The following NFKB1 variants were observed in gnomAD, a reference collection of about 807,000 sequenced individuals.
NFKB1 encodes the protein nuclear factor kappa B subunit 1, also known as nuclear factor NF-kappa-B p105 subunit.
Under a neutral mutation model 105.1 loss-of-function variants are expected in NFKB1, and 9 were observed. That is an observed-to-expected ratio of 0.09 (90% confidence interval 0.05 to 0.15). The LOEUF is 0.15. Ranked by LOEUF, NFKB1 falls within the 10% of genes least tolerant of loss-of-function variation. The probability of loss-of-function intolerance (pLI) is 1.00; values close to 1 mark genes in which losing one functional copy is unlikely to be tolerated. For missense variants in NFKB1, 830 were observed against 1,203.7 expected (o/e 0.69, Z 4.59); for synonymous variants, 440 against 442.2 (o/e 1.00, Z 0.06).
chr4:102,587,525 G>A (rs748541988), intron 11 of NFKB1, among the ~76,000 whole-genome samples: 7 of 151,520 alleles, frequency 4.6e-5, no homozygotes, highest in Non-Finnish European at 1.0e-4. Context: ...TTATAGTGGG[G>A]GTATATTCAG....
intron 20 of NFKB1, 106 bp downstream of exon 20, chr4:102,610,805 C>G: frequency 1.5e-6 from 2 of 1,339,488 alleles, no homozygotes; most frequent in Non-Finnish European, 2.0e-6. Flanking sequence ...AAGAACATGC[C>G]TTTTATTTTT....
chr4:102,578,352 G>C lies in NFKB1; in HGVS notation c.572-529G>C, dbSNP rs190223114. On this transcript the variant is annotated intron_variant, in intron 7 of 23. Coordinates refer to ENST00000226574, the MANE Select transcript of NFKB1 (RefSeq NM_003998.4). ...AGCTTAATTATGACTATATCCATCA[G>C]CGTGAAAACTCCAGCAGGAGGGAAG... 8.9e-4 allele frequency: 137 copies of C among 154,472 alleles called. 1 individual carries two copies. The Middle Eastern group carries it at 0.013, about 15-fold the overall frequency. 9.6% of individuals were successfully genotyped at this position (154,472 alleles called of 1,614,324 possible). A position where few individuals can be genotyped will look rare whatever the true frequency, so the allele number is the denominator to read the frequency against.
intron 16 of NFKB1, 87 bp from the exon 17 acceptor site, chr4:102,606,409 A>G: frequency 8.1e-7 from 1 of 1,238,526 alleles, no homozygotes; most frequent in South Asian, 1.2e-5. Context: ...GTATGGCCCC[A>G]CCTATTGCAG....
chr4:102,607,071 C>G (rs1416016785), intron 17 of NFKB1, 79 bp from the exon 18 acceptor site: 2 of 1,441,036 alleles, frequency 1.4e-6, no homozygotes, highest in Non-Finnish European at 2.0e-6. Flanking sequence ...TCAGTTTTTG[C>G]CATTTCCTTC....
At chr4:102,611,963 G>A in intron 20 of NFKB1, 81 bp from the exon 21 acceptor site, 5 of 1,115,108 alleles carry the variant, frequency 4.5e-6, no homozygotes, top group Non-Finnish European at 6.8e-6. Flanking sequence ...AGGACATGCT[G>A]AGTTGTTTAT....
chr4:102,615,178 A>T (rs1383576311), intron 23 of NFKB1, among the ~76,000 whole-genome samples: 1 of 152,192 alleles, frequency 6.6e-6, no homozygotes, highest in Non-Finnish European at 1.5e-5. Flanking sequence ...TCAGTCATTC[A>T]TTCAGCAAAT....
chr4:102,568,796 G>A (rs770950129), intron 6 of NFKB1, among the ~76,000 whole-genome samples: 1 of 152,116 alleles, frequency 6.6e-6, no homozygotes, highest in South Asian at 2.1e-4. Flanking sequence ...AGGAAAGTGA[G>A]GGATTCTTTC....
At chr4:102,580,062 C>T (rs1298981182) in intron 8 of NFKB1, among the ~76,000 whole-genome samples, 1 of 151,572 alleles carries the variant, frequency 6.6e-6, no homozygotes, top group Non-Finnish European at 1.5e-5. Flanking sequence ...GAAAAAGAAA[C>T]ATAACATCCC....
chr4:102,569,403 A>G (rs182080721), intron 6 of NFKB1, among the ~76,000 whole-genome samples: 1 of 152,240 alleles, frequency 6.6e-6, no homozygotes, highest in East Asian at 1.9e-4. Flanking sequence ...ACGTAATATT[A>G]TGAAATAACA....
chr4:102,528,360 T>A (rs1741061999), intron 2 of NFKB1, among the ~76,000 whole-genome samples: 1 of 152,196 alleles, frequency 6.6e-6, no homozygotes, highest in African/African-American at 2.4e-5. Flanking sequence ...GAGCTTTTAA[T>A]CTTATAAGCA....
At chr4:102,592,741 C>CA (rs1384019026) in intron 11 of NFKB1, among the ~76,000 whole-genome samples, 1 of 152,144 alleles carries the variant, frequency 6.6e-6, no homozygotes, top group Non-Finnish European at 1.5e-5. Flanking sequence ...TCACTTCAGC[C>CA]AAACTTATCT....
At chr4:102,565,062 C>T (rs1723745696) in intron 5 of NFKB1, among the ~76,000 whole-genome samples, 1 of 152,094 alleles carries the variant, frequency 6.6e-6, no homozygotes, top group Non-Finnish European at 1.5e-5. Context: ...TTCTCATACC[C>T]CATCCCACAT....
At chr4:102,578,610 G>A (rs1005806680) in intron 7 of NFKB1, 3 of 484,700 alleles carry the variant, frequency 6.2e-6, no homozygotes, top group East Asian at 6.2e-5. Flanking sequence ...AGGGAAAGGT[G>A]GGGGAAGGAC....
chr4:102,605,355 C>T (rs1185214179), intron 16 of NFKB1, among the ~76,000 whole-genome samples: 1 of 152,158 alleles, frequency 6.6e-6, no homozygotes, highest in African/African-American at 2.4e-5. Flanking sequence ...CATCATTCAT[C>T]CTGCCAGTTA....
chr4:102,585,510 C>A (rs1578796328), intron 11 of NFKB1, among the ~76,000 whole-genome samples: 1 of 152,110 alleles, frequency 6.6e-6, no homozygotes, highest in African/African-American at 2.4e-5. Flanking sequence ...AGTCAACCAG[C>A]CTCAGGCGGT....
chr4:102,514,130 G>A (rs1052137614), intron 1 of NFKB1, among the ~76,000 whole-genome samples: 22 of 151,504 alleles, frequency 1.5e-4, no homozygotes, highest in African/African-American at 2.4e-5. Context: ...AGCCGAGATG[G>A]CGCCACTGCA....
intron 5 of NFKB1, among the ~76,000 whole-genome samples, chr4:102,541,027 C>T (rs966470278): frequency 6.6e-6 from 1 of 152,176 alleles, no homozygotes; most frequent in African/African-American, 2.4e-5. Context: ...GGGATAGATA[C>T]ATCTAAAGTT....
At chr4:102,511,332 CAG>C (rs1334068961) in intron 1 of NFKB1, among the ~76,000 whole-genome samples, 1 of 152,214 alleles carries the variant, frequency 6.6e-6, no homozygotes, top group Non-Finnish European at 1.5e-5. Context: ...CCAAACAAGA[CAG>C]AAATCCAGAA....
Position 102,606,542 on chromosome 4 carries a change from A to C in NFKB1, c.1799A>C (p.Glu600Ala), listed in dbSNP as rs55661548. The change falls in exon 17 of 24, where the codon GAG (glutamate) becomes GCG (alanine). Residue 600 changes from glutamate (E) to alanine (A), a missense_variant. Glu to Ala is a moderately radical substitution (Grantham distance 107). Coordinates refer to ENST00000226574, the MANE Select transcript of NFKB1 (RefSeq NM_003998.4). The part of the protein sequence containing the change: ...AVITKQEDVV[E>A]DLLRAGADLS... ...ATCACTAAGCAGGAAGATGTGGTGGAGGATTTGCTGAGGGCTGGGGCCGAC... is the reference window on the plus strand; with the variant it reads ...ATCACTAAGCAGGAAGATGTGGTGGCGGATTTGCTGAGGGCTGGGGCCGAC... The C allele has an allele frequency of 1.7e-4, 267 of 1,614,188 alleles. 2 individuals are homozygous for C. In the East Asian group the frequency reaches 5.5e-3, roughly 34 times the overall value.
Sources: gnomAD v4.1 joint callset for allele counts (sites outside exome capture counted in the v4.1 genomes callset) on GRCh38, gnomAD v4.1.1 for gene constraint, MANE v1.5 for transcripts, NCBI Gene and HGNC (gene_info 2026-07-23, HGNC 2026-07-21) for gene names.